Variants in PTPRM observed in about 807,000 individuals in gnomAD.
PTPRM encodes protein tyrosine phosphatase receptor type M.
In PTPRM, 47 loss-of-function variants were observed where a neutral mutation model predicts 186.7. That is an observed-to-expected ratio of 0.25 (90% CI 0.20 to 0.32). The LOEUF is 0.32. PTPRM is among the 10% of genes least tolerant of loss of function. The pLI is 1.00. For missense variants in PTPRM, 1,494 were observed against 1,865.0 expected, an observed-to-expected ratio of 0.80 and a Z score of 3.66; for synonymous variants, 668 against 674.9, an observed-to-expected ratio of 0.99 and a Z score of 0.16.
intron 3 of PTPRM, among the ~76,000 whole-genome samples, chr18:7,893,297 C>T (rs928866517): frequency 2.6e-5 from 4 of 152,116 alleles, no homozygotes; most frequent in South Asian, 2.1e-4. Flanking sequence ...AAACGTTTAA[C>T]GACTGGATGG....
At chr18:7,684,149 T>C (rs773339033) in intron 1 of PTPRM, among the ~76,000 whole-genome samples, 1 of 151,948 alleles carries the variant, frequency 6.6e-6, no homozygotes, top group Non-Finnish European at 1.5e-5. Context: ...TTTTCAGTTA[T>C]GGTAGCCTGG....
In PTPRM at chr18:8,166,109, G is replaced by A. The variant is rs117749566; in HGVS notation, c.2300+22330G>A. ...AAAGCAGACTAAGCACATGATAAAT[G>A]TTTATTGATCCACTGCAGAAATGAG... is the stretch of plus-strand genomic sequence containing the variant. On this transcript the variant is annotated intron_variant, in intron 14 of 32. Transcript: ENST00000580170. Among the ~76,000 whole-genome samples the A allele has an allele frequency of 1.8e-4, 28 of 152,282 alleles. No individual in the cohort carries two copies. The East Asian group carries it at 5.4e-3, about 29-fold the overall frequency.
chr18:8,093,671 G>GA (rs770245186), intron 11 of PTPRM, among the ~76,000 whole-genome samples: 14 of 150,222 alleles, frequency 9.3e-5, no homozygotes, highest in South Asian at 6.3e-4. Flanking sequence ...TAATAACTCA[G>GA]AAAAAAAAAT....
At chr18:8,265,602 G>A (rs2094691173) in intron 19 of PTPRM, among the ~76,000 whole-genome samples, 1 of 152,176 alleles carries the variant, frequency 6.6e-6, no homozygotes, top group African/African-American at 2.4e-5. Context: ...CCTCATGGCA[G>A]AGCCAAGAAA....
intron 23 of PTPRM, among the ~76,000 whole-genome samples, chr18:8,362,821 C>T (rs1598439019): frequency 1.3e-5 from 2 of 152,182 alleles, no homozygotes; most frequent in East Asian, 1.9e-4. Flanking sequence ...AGTTAATATT[C>T]ATAACAACTC....
At chr18:7,873,848 A>G (rs1567950793) in intron 2 of PTPRM, among the ~76,000 whole-genome samples, 1 of 152,188 alleles carries the variant, frequency 6.6e-6, no homozygotes, top group Non-Finnish European at 1.5e-5. Context: ...TTTATATTCA[A>G]TAAATCAAAA....
intron 14 of PTPRM, among the ~76,000 whole-genome samples, chr18:8,165,066 G>C (rs368471042): frequency 6.6e-6 from 1 of 151,762 alleles, no homozygotes; most frequent in East Asian, 1.9e-4. Context: ...CTACTCGGGA[G>C]GCTGAGGCAG....
At chr18:8,225,542 G>C (rs1024197017) in intron 14 of PTPRM, among the ~76,000 whole-genome samples, 2 of 152,112 alleles carry the variant, frequency 1.3e-5, no homozygotes, top group African/African-American at 4.8e-5. Flanking sequence ...GGCATTTAGA[G>C]ACCACAATCT....
chr18:7,584,900 A>G (rs953799768), intron 1 of PTPRM, among the ~76,000 whole-genome samples: 13 of 152,232 alleles, frequency 8.5e-5, no homozygotes, highest in South Asian at 2.1e-4. Context: ...CATTGAAGAT[A>G]TAAAGGTTTC....
At position 7,854,655 on chromosome 18, in the gene PTPRM, C is replaced by T. The variant is rs183632898; in HGVS notation, c.197-33451C>T. Among the ~76,000 whole-genome samples the T allele has an allele frequency of 3.5e-4, 53 of 151,660 alleles. No homozygotes were observed. In the East Asian group the frequency reaches 5.2e-3, roughly 15 times the overall value. On this transcript the variant is annotated intron_variant, in intron 2 of 32. Transcript: ENST00000580170. Reference sequence around the variant, plus strand: ...CACAAGATTGTTAGCAGTTGATCACCTCTGAGGCATGAAATTAAAGGGTTG... The same window carrying T: ...CACAAGATTGTTAGCAGTTGATCACTTCTGAGGCATGAAATTAAAGGGTTG...
At chr18:8,400,388 G>A (rs1254572745) in intron 32 of PTPRM, among the ~76,000 whole-genome samples, 3 of 152,212 alleles carry the variant, frequency 2.0e-5, no homozygotes, top group Non-Finnish European at 2.9e-5. Context: ...TATCAGCCCA[G>A]GCTGCACTTG....
chr18:7,895,846 TC>T (rs1341980510), intron 3 of PTPRM, among the ~76,000 whole-genome samples: 21 of 152,236 alleles, frequency 1.4e-4, no homozygotes, highest in Non-Finnish European at 2.6e-4. Flanking sequence ...CACAGTTTTT[TC>T]CTCTAGCTTT....
At chr18:8,264,496 C>T (rs904220113) in intron 19 of PTPRM, among the ~76,000 whole-genome samples, 51 of 152,118 alleles carry the variant, frequency 3.4e-4, no homozygotes, top group African/African-American at 1.1e-3. Context: ...CCAGGCCGGG[C>T]GTGGTGGCTC....
chr18:7,635,066 A>G (rs2144117056), intron 1 of PTPRM, among the ~76,000 whole-genome samples: 1 of 152,224 alleles, frequency 6.6e-6, no homozygotes, highest in Non-Finnish European at 1.5e-5. Context: ...GCTTTCAGGG[A>G]AAATAATTAT....
At chr18:7,629,223 T>C (rs923399009) in intron 1 of PTPRM, among the ~76,000 whole-genome samples, 3 of 152,128 alleles carry the variant, frequency 2.0e-5, no homozygotes, top group Admixed American at 6.5e-5. Flanking sequence ...TTCAGGTCAA[T>C]GTAGGGAAGA....
At chr18:8,101,863 T>A (rs900915948) in intron 11 of PTPRM, among the ~76,000 whole-genome samples, 3 of 152,208 alleles carry the variant, frequency 2.0e-5, no homozygotes, top group African/African-American at 4.8e-5. Flanking sequence ...AGAACCAAGA[T>A]GGTTACACCT....
rs1232787803 is a variant in PTPRM at position 8,248,294 on chromosome 18, G to A, written c.2554+118G>A. ...AATGCAGTGATTATAAGCACGACAT[G>A]TGGGAGGTGGGTGGCCTGGGTCATG... is the stretch of plus-strand genomic sequence containing the variant. On this transcript the variant is annotated intron_variant, in intron 17 of 32. Transcript: ENST00000580170. 5 of 994,458 alleles carry A rather than the reference G, an allele frequency of 5.0e-6. No homozygotes were observed. The African/African-American group carries it at 6.4e-5, about 13-fold the overall frequency. 61.6% of individuals were successfully genotyped at this position (994,458 alleles called of 1,614,324 possible).
chr18:7,833,595 A>G (rs1012395500), intron 2 of PTPRM, among the ~76,000 whole-genome samples: 3 of 151,964 alleles, frequency 2.0e-5, no homozygotes, highest in East Asian at 3.9e-4. Flanking sequence ...TTAGCCGGGC[A>G]TGGTGGCAGG....
intron 7 of PTPRM, among the ~76,000 whole-genome samples, chr18:7,985,218 CA>C (rs1344563606): frequency 8.9e-6 from 1 of 112,498 alleles, no homozygotes; most frequent in East Asian, 2.4e-4. Context: ...ATTGTATATA[CA>C]CATATAAATA....
Sources: gnomAD v4.1 joint callset for allele counts (sites outside exome capture counted in the v4.1 genomes callset) on GRCh38, gnomAD v4.1.1 for gene constraint, MANE v1.5 for transcripts, NCBI Gene and HGNC (gene_info 2026-07-23, HGNC 2026-07-21) for gene names.